Variants in LRCH1 observed in about 807,000 individuals in gnomAD.
LRCH1 encodes the protein leucine-rich repeat and calponin homology domain-containing protein 1.
A neutral mutation model predicts 94.9 loss-of-function variants in LRCH1; 23 were observed. The observed-to-expected ratio is 0.24, with a 90% CI of 0.17 to 0.34. The LOEUF (loss-of-function observed/expected upper bound fraction) is 0.34. Ranked by LOEUF, LRCH1 falls within the 10% of genes least tolerant of loss-of-function variation. LRCH1 has a pLI of 1.00. For missense variants in LRCH1, 790 were observed against 945.9 expected, an observed-to-expected ratio of 0.84 and a Z score of 2.16; for synonymous variants, 364 against 354.9, an observed-to-expected ratio of 1.03 and a Z score of -0.29.
intron 7 of LRCH1, among the ~76,000 whole-genome samples, chr13:46,692,034 A>G (rs1425402082): frequency 6.6e-6 from 1 of 152,180 alleles, no homozygotes; most frequent in African/African-American, 2.4e-5. Flanking sequence ...AACGCATAGC[A>G]AGAACTGCAT....
intron 11 of LRCH1, among the ~76,000 whole-genome samples, chr13:46,704,093 A>T (rs535500084): frequency 1.8e-4 from 27 of 152,142 alleles, no homozygotes; most frequent in African/African-American, 6.0e-4. Context: ...GATCATTGTT[A>T]TTTATCCTGA....
intron 3 of LRCH1, among the ~76,000 whole-genome samples, chr13:46,670,653 A>C (rs1593340201): frequency 2.4e-5 from 2 of 81,936 alleles, no homozygotes; most frequent in East Asian, 4.1e-4. Flanking sequence ...GACACTGCCC[A>C]TCCCCCCCCA....
At chr13:46,703,488 G>A (rs979274014) in intron 11 of LRCH1, among the ~76,000 whole-genome samples, 2 of 152,220 alleles carry the variant, frequency 1.3e-5, no homozygotes, top group Middle Eastern at 3.4e-3. Flanking sequence ...ATGTAACCAA[G>A]TCTAGAAACA....
chr13:46,592,307 A>G lies in LRCH1; in HGVS notation c.307+38604A>G, dbSNP rs375810658. ...AGACAACATCCCAAGTTAACTGCTT[A>G]TGGCCCCCAAAACTGTAAGGCTTGT... On this transcript the variant is annotated intron_variant, in intron 1 of 19. Coordinates refer to ENST00000389797, the MANE Select transcript of LRCH1 (RefSeq NM_001164211.2). Among the ~76,000 whole-genome samples the G allele has an allele frequency of 3.1e-3, 465 of 152,332 alleles. 3 individuals are homozygous for G. The highest frequency in any genetic ancestry group is 0.02 in the South Asian group (95 of 4,828).
At chr13:46,684,381 A>C (rs1870496136) in intron 4 of LRCH1, among the ~76,000 whole-genome samples, 1 of 152,188 alleles carries the variant, frequency 6.6e-6, no homozygotes, top group African/African-American at 2.4e-5. Context: ...CTAGAAAAGA[A>C]ATGGTCATTA....
intron 7 of LRCH1, among the ~76,000 whole-genome samples, chr13:46,691,897 C>G (rs1262108923): frequency 6.6e-6 from 1 of 151,938 alleles, no homozygotes; most frequent in Admixed American, 6.6e-5. Flanking sequence ...ACCATGTTGG[C>G]CAGGATGGTC....
At chr13:46,650,032 A>G (rs563254080) in intron 1 of LRCH1, among the ~76,000 whole-genome samples, 169 bp from the exon 2 acceptor site, 27 of 152,296 alleles carry the variant, frequency 1.8e-4, no homozygotes, top group South Asian at 8.3e-4. Context: ...TTGGCAAGGA[A>G]ATAGAAAAAG....
At chr13:46,688,301 AT>A (rs902301259) in intron 6 of LRCH1, among the ~76,000 whole-genome samples, 4 of 152,210 alleles carry the variant, frequency 2.6e-5, no homozygotes, top group Admixed American at 2.0e-4. Context: ...AAATGTGAAT[AT>A]TTTTTACTTA....
intron 13 of LRCH1, among the ~76,000 whole-genome samples, chr13:46,710,835 TC>T (rs1473772219): frequency 3.9e-5 from 6 of 152,110 alleles, no homozygotes; most frequent in Admixed American, 3.9e-4. Flanking sequence ...ATCAGGGGGT[TC>T]TTGACTACCT....
At chr13:46,684,785 T>C (rs1870521188) in intron 4 of LRCH1, among the ~76,000 whole-genome samples, 1 of 152,158 alleles carries the variant, frequency 6.6e-6, no homozygotes, top group Admixed American at 6.5e-5. Context: ...GGTTGAGCAA[T>C]GAACTAACTA....
intron 2 of LRCH1, among the ~76,000 whole-genome samples, chr13:46,656,339 T>TA (rs1205472200): frequency 1.3e-5 from 2 of 152,152 alleles, no homozygotes; most frequent in South Asian, 4.1e-4. Context: ...TCTTCTCTCT[T>TA]AAAAAAATGA....
At chr13:46,556,354 T>A (rs1240123785) in intron 1 of LRCH1, among the ~76,000 whole-genome samples, 2 of 152,222 alleles carry the variant, frequency 1.3e-5, no homozygotes, top group Non-Finnish European at 2.9e-5. Context: ...GTCACTCAAG[T>A]GCATATACTT....
At chr13:46,668,736 CG>C in intron 2 of LRCH1, among the ~76,000 whole-genome samples, 1 of 55,136 alleles carries the variant, frequency 1.8e-5, no homozygotes, top group Non-Finnish European at 3.5e-5. Context: ...GGCGGGGTGG[CG>C]GGGTGGCGGG....
At chr13:46,607,049 T>C (rs537631371) in intron 1 of LRCH1, among the ~76,000 whole-genome samples, 20 of 152,162 alleles carry the variant, frequency 1.3e-4, no homozygotes, top group Admixed American at 1.3e-3. Context: ...AGGAATCAGC[T>C]TGGGGTTGGC....
intron 9 of LRCH1, among the ~76,000 whole-genome samples, chr13:46,698,347 C>T (rs186066633): frequency 5.8e-4 from 89 of 152,282 alleles, no homozygotes; most frequent in African/African-American, 2.0e-3. Context: ...GTTAAAGCAG[C>T]GTTTCTCTGT....
At chr13:46,746,099 T>C (rs548726636), downstream of LRCH1, among the ~76,000 whole-genome samples, 3 of 152,340 alleles carry the variant, frequency 2.0e-5, no homozygotes, top group South Asian at 4.1e-4. Flanking sequence ...AGGCATAGTA[T>C]TGTGGAAAGA....
intron 2 of LRCH1, among the ~76,000 whole-genome samples, chr13:46,655,982 G>A (rs1179954426): frequency 1.3e-5 from 2 of 152,164 alleles, no homozygotes; most frequent in East Asian, 1.9e-4. Context: ...AGAACAGGGC[G>A]GTCTCTTGAA....
intron 18 of LRCH1, among the ~76,000 whole-genome samples, chr13:46,729,300 G>C (rs1872983550): frequency 6.6e-6 from 1 of 152,144 alleles, no homozygotes; most frequent in South Asian, 2.1e-4. Flanking sequence ...CACTTTGGGA[G>C]GCCAAGGTGG....
At chr13:46,647,007 G>A (rs1455388444) in intron 1 of LRCH1, among the ~76,000 whole-genome samples, 1 of 151,938 alleles carries the variant, frequency 6.6e-6, no homozygotes, top group East Asian at 1.9e-4. Flanking sequence ...CAGCTACTGA[G>A]GAGGCTGAGG....
Sources: gnomAD v4.1 joint callset for allele counts (sites outside exome capture counted in the v4.1 genomes callset) on GRCh38, gnomAD v4.1.1 for gene constraint, MANE v1.5 for transcripts, NCBI Gene and HGNC (gene_info 2026-07-23, HGNC 2026-07-21) for gene names.